LRRC7: variants seen among roughly 807,000 people sequenced by gnomAD.
LRRC7 encodes the protein leucine-rich repeat-containing protein 7.
In LRRC7, 23 loss-of-function variants were observed where a neutral mutation model predicts 175.7. The observed-to-expected ratio is 0.13, with a 90% confidence interval of 0.09 to 0.19. LRRC7 has a LOEUF of 0.19. Among genes scored for constraint, LRRC7 ranks in the 10% least tolerant of loss-of-function variants. The probability of loss-of-function intolerance (pLI) is 1.00; values close to 1 mark genes in which losing one functional copy is unlikely to be tolerated. For synonymous variants in LRRC7, 685 were observed against 680.9 expected (o/e 1.01, Z -0.09); for missense variants, 1,354 against 1,904.7 (o/e 0.71, Z 5.38).
chr1:69,839,808 A>G (rs1355380068), intron 7 of LRRC7, among the ~76,000 whole-genome samples: 2 of 152,068 alleles, frequency 1.3e-5, no homozygotes, highest in East Asian at 3.8e-4. Context: ...TTAAATATGA[A>G]TTTTAAATAT....
At chr1:69,909,367 G>A (rs1022321740) in intron 7 of LRRC7, among the ~76,000 whole-genome samples, 5 of 152,144 alleles carry the variant, frequency 3.3e-5, no homozygotes, top group Admixed American at 2.6e-4. Flanking sequence ...TCCTAGCCTT[G>A]ATGGTCTTTA....
intron 7 of LRRC7, among the ~76,000 whole-genome samples, chr1:69,895,975 G>A (rs527904687): frequency 1.3e-5 from 2 of 152,240 alleles, no homozygotes; most frequent in South Asian, 4.1e-4. Flanking sequence ...AGGATACAAC[G>A]TGAGGCAAAA....
chr1:69,850,872 A>T (rs1482324900), intron 7 of LRRC7, among the ~76,000 whole-genome samples: 1 of 152,146 alleles, frequency 6.6e-6, no homozygotes, highest in African/African-American at 2.4e-5. Context: ...TAAATTTAAG[A>T]GTCATCAGTG....
At chr1:69,634,437 G>T (rs1208519228) in intron 1 of LRRC7, among the ~76,000 whole-genome samples, 1 of 152,088 alleles carries the variant, frequency 6.6e-6, no homozygotes, top group African/African-American at 2.4e-5. Flanking sequence ...GATTCCTTAA[G>T]AATCTGTTTT....
chr1:70,041,073 C>T (rs1229822767), intron 21 of LRRC7, among the ~76,000 whole-genome samples: 1 of 152,038 alleles, frequency 6.6e-6, no homozygotes, highest in Non-Finnish European at 1.5e-5. Flanking sequence ...GAAAATGGGG[C>T]TTTTTGTTCT....
intron 1 of LRRC7, among the ~76,000 whole-genome samples, chr1:69,576,134 A>C (rs1016073200): frequency 6.6e-6 from 1 of 150,388 alleles, no homozygotes; most frequent in Non-Finnish European, 1.5e-5. Context: ...CAGGAGGCTG[A>C]GGTGGGAAGA....
chr1:69,871,278 G>A (rs138283793), intron 7 of LRRC7, among the ~76,000 whole-genome samples: 1 of 152,092 alleles, frequency 6.6e-6, no homozygotes, highest in Non-Finnish European at 1.5e-5. Context: ...TCAATAGTGG[G>A]CTGAGACTAT....
At chr1:69,976,028 G>A (rs1652782086) in intron 8 of LRRC7, among the ~76,000 whole-genome samples, 1 of 151,328 alleles carries the variant, frequency 6.6e-6, no homozygotes, top group Non-Finnish European at 1.5e-5. Flanking sequence ...TCTCATTCAG[G>A]CTTTACAAAT....
chr1:70,058,410 G>A (rs76600004), intron 23 of LRRC7, among the ~76,000 whole-genome samples: 5,237 of 152,170 alleles, frequency 0.034, 196 homozygotes, highest in African/African-American at 0.1. Context: ...AAAATTCCAG[G>A]CAGTATTATA....
intron 23 of LRRC7, among the ~76,000 whole-genome samples, chr1:70,062,517 C>A (rs1157052338): frequency 1.3e-5 from 2 of 151,904 alleles, no homozygotes; most frequent in Admixed American, 6.6e-5. Flanking sequence ...GTTACTGTCC[C>A]CCTAACTGCA....
chr1:69,584,021 G>A (rs1200486422), intron 1 of LRRC7, among the ~76,000 whole-genome samples: 1 of 152,090 alleles, frequency 6.6e-6, no homozygotes, highest in Non-Finnish European at 1.5e-5. Flanking sequence ...TGCAGCAGAT[G>A]AAAAGACTTA....
intron 2 of LRRC7, among the ~76,000 whole-genome samples, chr1:69,683,064 A>C (rs1660698026): frequency 6.6e-6 from 1 of 152,162 alleles, no homozygotes; most frequent in South Asian, 2.1e-4. Context: ...ATGTTTCAAC[A>C]ATGCAACAAA....
chr1:69,952,598 T>C (rs963751219), intron 8 of LRRC7, among the ~76,000 whole-genome samples: 8 of 152,120 alleles, frequency 5.3e-5, no homozygotes, highest in African/African-American at 1.9e-4. Flanking sequence ...TTTTGTCTTA[T>C]GTTAATAAGA....
chr1:69,586,030 T>A, intron 1 of LRRC7, among the ~76,000 whole-genome samples: 1 of 152,216 alleles, frequency 6.6e-6, no homozygotes, highest in Non-Finnish European at 1.5e-5. Flanking sequence ...GAATTGAGAT[T>A]TACTGTAGAA....
chr1:69,958,021 T>C (rs1461601202), intron 8 of LRRC7, among the ~76,000 whole-genome samples: 1 of 151,906 alleles, frequency 6.6e-6, no homozygotes, highest in East Asian at 1.9e-4. Context: ...AAAAAACAGA[T>C]ATACTGTAGA....
chr1:69,710,278 CAAAAAAAAA>C (rs77553066), intron 2 of LRRC7, among the ~76,000 whole-genome samples: 1 of 87,214 alleles, frequency 1.1e-5, no homozygotes, highest in Non-Finnish European at 2.2e-5. Context: ...GACTCCGTCT[CAAAAAAAAA>C]AAAAAAAAAA....
At chr1:69,660,043 A>G (rs751796597) in intron 1 of LRRC7, among the ~76,000 whole-genome samples, 1 of 152,014 alleles carries the variant, frequency 6.6e-6, no homozygotes, top group African/African-American at 2.4e-5. Flanking sequence ...AAAATTCACA[A>G]CCATATTTTT....
intron 2 of LRRC7, among the ~76,000 whole-genome samples, chr1:69,759,700 G>A (rs1356505314): frequency 1.3e-5 from 2 of 151,962 alleles, no homozygotes; most frequent in South Asian, 2.1e-4. Context: ...TCTATTCACC[G>A]ATGAAATTTG....
chr1:69,690,559 G>A (rs1316747133), intron 2 of LRRC7, among the ~76,000 whole-genome samples: 1 of 152,140 alleles, frequency 6.6e-6, no homozygotes, highest in Non-Finnish European at 1.5e-5. Flanking sequence ...CGTATTAGCA[G>A]TAACTATTTT....
Sources: gnomAD v4.1 joint callset for allele counts (sites outside exome capture counted in the v4.1 genomes callset) on GRCh38, gnomAD v4.1.1 for gene constraint, MANE v1.5 for transcripts, NCBI Gene and HGNC (gene_info 2026-07-23, HGNC 2026-07-21) for gene names.